IQCH: variants seen among roughly 807,000 people sequenced by gnomAD.
IQCH encodes the protein IQ domain-containing protein H.
IQCH carries 98 observed loss-of-function variants against 117.0 expected under a neutral mutation model. The ratio of observed to expected loss-of-function variants is 0.84; its 90% CI spans 0.71 to 0.99. The LOEUF is 0.99. Ranked by LOEUF, IQCH falls within the 50% of genes least tolerant of loss-of-function variation. The pLI is 0.00. For synonymous variants in IQCH, 412 were observed against 448.2 expected (o/e 0.92, Z 1.02); for missense variants, 1,102 against 1,243.8 (o/e 0.89, Z 1.72).
At chr15:67,419,337 C>T (rs1261632409) in intron 15 of IQCH, among the ~76,000 whole-genome samples, 1 of 152,116 alleles carries the variant, frequency 6.6e-6, no homozygotes, top group Non-Finnish European at 1.5e-5. Flanking sequence ...TTCTCTCGAC[C>T]CAGTGCATAC....
Position 67,359,752 on chromosome 15 carries a change from G to A in IQCH, c.715-95G>A, listed in dbSNP as rs1325377009. 3 of 1,076,554 alleles carry A rather than the reference G, an allele frequency of 2.8e-6. No homozygotes were observed. The highest frequency in any genetic ancestry group is 1.3e-5 in the South Asian group (1 of 79,466). 66.7% of individuals were successfully genotyped at this position (1,076,554 alleles called of 1,614,324 possible). A position where few individuals can be genotyped will look rare whatever the true frequency, so the allele number is the denominator to read the frequency against. ...AACAGGCTGGCCCAGCGGGTAAAAT[G>A]GGGAAGGGGGTGAGGCTCTGAGCCT... On this transcript the variant is annotated intron_variant, in intron 7 of 20. Transcript: ENST00000335894. This position sits in a 1 kb window ranked among gnomAD's most constrained non-coding sequence, Gnocchi z 4.5.
rs1232465862 is a variant in IQCH at position 67,385,891 on chromosome 15, G to A, written c.1456+872G>A. 2.0e-5 allele frequency among the ~76,000 whole-genome samples: 3 copies of A among 152,022 alleles called. No homozygotes were observed. Among genetic ancestry groups the A allele is most frequent in the Non-Finnish European group, 4.4e-5 (3 of 68,020 alleles). On this transcript the variant is annotated intron_variant, in intron 11 of 20. Transcript: ENST00000335894. The surrounding 1 kb of genome is among the most constrained non-coding windows in gnomAD (Gnocchi z 4.6). ...ACAAGGAAGAATTTTAAATGATCAA[G>A]GACCAACTTAACTGGCTCCCTGGAA...
intron 4 of IQCH, among the ~76,000 whole-genome samples, chr15:67,301,400 A>T (rs2140529834): frequency 9.4e-6 from 1 of 105,830 alleles, no homozygotes; most frequent in Non-Finnish European, 1.9e-5. Context: ...TGTTATGTTA[A>T]GTTTTTTTTT....
intron 4 of IQCH, among the ~76,000 whole-genome samples, chr15:67,321,469 CCTTCCTTT>C (rs992542125): frequency 2.0e-4 from 29 of 142,212 alleles, no homozygotes; most frequent in African/African-American, 6.3e-4. Context: ...TTCCTTCCTT[CCTTCCTTT>C]CTTTCTTTCT....
intron 10 of IQCH, 117 bp downstream of exon 10, chr15:67,373,550 A>G: frequency 4.0e-6 from 3 of 757,498 alleles, no homozygotes; most frequent in Non-Finnish European, 7.1e-6. Flanking sequence ...CGGCAGGAAA[A>G]TGTTCTCGAC....
chr15:67,428,643 GT>G (rs2140936536), intron 16 of IQCH, among the ~76,000 whole-genome samples: 1 of 152,230 alleles, frequency 6.6e-6, no homozygotes, highest in African/African-American at 2.4e-5. Flanking sequence ...GAGGTCAGGA[GT>G]TTGAGACAAG....
At chr15:67,328,107 A>G (rs528794284) in intron 4 of IQCH, among the ~76,000 whole-genome samples, 1 of 152,068 alleles carries the variant, frequency 6.6e-6, no homozygotes, top group African/African-American at 2.4e-5. Flanking sequence ...TTTCATTCTC[A>G]GTGCCTTCAA....
intron 8 of IQCH, among the ~76,000 whole-genome samples, chr15:67,362,129 AACATAC>A (rs1970158170): frequency 7.7e-6 from 1 of 129,398 alleles, no homozygotes; most frequent in African/African-American, 2.9e-5. Flanking sequence ...ATATATATAT[AACATAC>A]ATATACGCAC....
chr15:67,331,010 G>A (rs1968642631), intron 4 of IQCH, among the ~76,000 whole-genome samples: 1 of 152,178 alleles, frequency 6.6e-6, no homozygotes. Context: ...TGCTGGGAGA[G>A]ATCACACACT....
At chr15:67,341,184 C>A (rs924737718) in intron 5 of IQCH, among the ~76,000 whole-genome samples, 3 of 151,958 alleles carry the variant, frequency 2.0e-5, no homozygotes, top group Non-Finnish European at 4.4e-5. Context: ...TATACTCTAG[C>A]CTGGGCTACA....
chr15:67,341,252 C>G (rs1969161092), intron 5 of IQCH, among the ~76,000 whole-genome samples: 1 of 151,962 alleles, frequency 6.6e-6, no homozygotes, highest in African/African-American at 2.4e-5. Context: ...AAAATAAACA[C>G]AGAAACACAA....
rs371716092 is a variant in IQCH at position 67,361,139 on chromosome 15, G to A, written c.753+1254G>A. On this transcript the variant is annotated intron_variant, in intron 8 of 20. Coordinates refer to ENST00000335894, the MANE Select transcript of IQCH (RefSeq NM_001031715.3). ...TTGGTAAAAGGGTGCAAAGGATCCA[G>A]CTGACAGAGTGAAGCTCCGGAGTTT... 1.1e-4 allele frequency among the ~76,000 whole-genome samples: 17 copies of A among 152,346 alleles called. No homozygotes were observed. The South Asian group carries it at 3.5e-3, about 32-fold the overall frequency.
rs1165333743 is a variant in IQCH, at chr15:67,427,793, G to A, written c.2505+6216G>A. Reference sequence around the variant, plus strand: ...ATTAATCACATCATTATTAAGAATAGCAAAATATTTCAAGTAGTCTAAATT... The same window carrying A: ...ATTAATCACATCATTATTAAGAATAACAAAATATTTCAAGTAGTCTAAATT... On this transcript the variant is annotated intron_variant, in intron 16 of 20. Coordinates refer to ENST00000335894, the MANE Select transcript of IQCH (RefSeq NM_001031715.3). This position sits in a 1 kb window ranked among gnomAD's most constrained non-coding sequence, Gnocchi z 4.7. Among the ~76,000 whole-genome samples, 2 of 150,454 alleles carry A rather than the reference G, an allele frequency of 1.3e-5. No homozygotes were observed. The highest frequency in any genetic ancestry group is 4.9e-5 in the African/African-American group (2 of 40,924).
intron 4 of IQCH, among the ~76,000 whole-genome samples, chr15:67,333,668 A>G (rs961585938): frequency 6.6e-6 from 1 of 152,226 alleles, no homozygotes; most frequent in Non-Finnish European, 1.5e-5. Flanking sequence ...AAACACTGGA[A>G]GCAAATATGC....
At chr15:67,328,045 A>G (rs1968490988) in intron 4 of IQCH, among the ~76,000 whole-genome samples, 1 of 151,952 alleles carries the variant, frequency 6.6e-6, no homozygotes, top group African/African-American at 2.4e-5. Context: ...ATAAATCTCA[A>G]CTGTTGAAGT....
intron 20 of IQCH, among the ~76,000 whole-genome samples, chr15:67,497,019 C>T (rs1188283327): frequency 7.4e-5 from 9 of 122,180 alleles, no homozygotes; most frequent in East Asian, 2.3e-4. Context: ...AGCGAGACTC[C>T]GTCTCAAAAA....
intron 4 of IQCH, among the ~76,000 whole-genome samples, chr15:67,320,121 A>G (rs1036750007): frequency 3.3e-5 from 5 of 152,254 alleles, no homozygotes; most frequent in African/African-American, 9.6e-5. Flanking sequence ...CATTGAAGTA[A>G]AAGTCTCAAT....
Position 67,425,859 on chromosome 15 carries a change from T to C in IQCH, c.2505+4282T>C, listed in dbSNP as rs562642265. ...AGAAACAATTTTCCTTCTCCACCTC[T>C]CATTTATGCCTGTAGGTCTGTATGT... On this transcript the variant is annotated intron_variant, in intron 16 of 20. Coordinates refer to ENST00000335894, the MANE Select transcript of IQCH (RefSeq NM_001031715.3). This position sits in a 1 kb window ranked among gnomAD's most constrained non-coding sequence, Gnocchi z 5.5. Among the ~76,000 whole-genome samples, 1 of 152,344 alleles carries C rather than the reference T, an allele frequency of 6.6e-6. No homozygotes were observed. The highest frequency in any genetic ancestry group is 1.5e-5 in the Non-Finnish European group (1 of 68,034).
chr15:67,256,395 A>C lies in IQCH; in HGVS notation c.51+1448A>C, dbSNP rs1391177533. ...TCTCACACTGCCCTTGTGGTTGACCATTAATCTCCAGCCCCTCCTGAATAC... is the reference window on the plus strand; with the variant it reads ...TCTCACACTGCCCTTGTGGTTGACCCTTAATCTCCAGCCCCTCCTGAATAC... On this transcript the variant is annotated intron_variant, in intron 1 of 20. Coordinates refer to ENST00000335894, the MANE Select transcript of IQCH (RefSeq NM_001031715.3). Among the ~76,000 whole-genome samples the C allele has an allele frequency of 2.0e-5, 3 of 152,196 alleles. No individual in the cohort carries two copies. In the East Asian group the frequency reaches 5.8e-4, roughly 29 times the overall value.
Sources: allele counts gnomAD v4.1 joint callset (sites outside exome capture counted in the v4.1 genomes callset), GRCh38; gene constraint gnomAD v4.1.1; non-coding constraint Gnocchi (gnomAD v3.1); transcripts MANE v1.5; gene names NCBI Gene and HGNC (gene_info 2026-07-23, HGNC 2026-07-21).